Variants in CNTNAP2 observed in about 807,000 individuals in gnomAD.
The protein encoded by CNTNAP2 is contactin associated protein 2.
Under a neutral mutation model 155.2 loss-of-function variants are expected in CNTNAP2, and 98 were observed. That is an observed-to-expected ratio of 0.63 (90% CI 0.54 to 0.75). The LOEUF (loss-of-function observed/expected upper bound fraction) is 0.75. Ranked by LOEUF, CNTNAP2 falls within the 30% of genes least tolerant of loss-of-function variation. The pLI is 0.00. For missense variants in CNTNAP2, 1,727 were observed against 1,688.1 expected (o/e 1.02, Z -0.40); for synonymous variants, 651 against 631.2 (o/e 1.03, Z -0.47).
At chr7:146,380,285 T>A (rs1345071274) in intron 1 of CNTNAP2, among the ~76,000 whole-genome samples, 3 of 152,158 alleles carry the variant, frequency 2.0e-5, no homozygotes, top group Non-Finnish European at 4.4e-5. Context: ...AGCAGTGCTT[T>A]TTTATTTGAG....
Position 147,067,721 on chromosome 7 carries a change from A to G in CNTNAP2, c.550+23667A>G, listed in dbSNP as rs771651454. On this transcript the variant is annotated intron_variant, in intron 4 of 23. Coordinates refer to ENST00000361727, the MANE Select transcript of CNTNAP2 (RefSeq NM_014141.6). ...ACTTCTTTATCCTTAAAGATGAAAC[A>G]AAGAAATTCTTCATTGATAGAAAGA... 2.4e-4 allele frequency among the ~76,000 whole-genome samples: 36 copies of G among 152,210 alleles called. 1 individual carries two copies. Among genetic ancestry groups the G allele is most frequent in the Admixed American group, 8.5e-4 (13 of 15,284 alleles).
At chr7:146,139,718 T>C (rs1236578143) in intron 1 of CNTNAP2, among the ~76,000 whole-genome samples, 4 of 152,194 alleles carry the variant, frequency 2.6e-5, no homozygotes, top group Non-Finnish European at 5.9e-5. Context: ...TATGTCTTTG[T>C]ATAAGACAGA....
intron 1 of CNTNAP2, among the ~76,000 whole-genome samples, chr7:146,598,994 C>T (rs1202753926): frequency 6.6e-6 from 1 of 151,990 alleles, no homozygotes; most frequent in Non-Finnish European, 1.5e-5. Flanking sequence ...CTGACAATTC[C>T]AACCTTTTAG....
intron 13 of CNTNAP2, among the ~76,000 whole-genome samples, chr7:147,679,178 T>C (rs901819538): frequency 6.6e-6 from 1 of 151,922 alleles, no homozygotes; most frequent in African/African-American, 2.4e-5. Flanking sequence ...TGACATCTTA[T>C]AGTGCAATCC....
intron 1 of CNTNAP2, among the ~76,000 whole-genome samples, chr7:146,570,793 A>AT (rs998830551): frequency 6.6e-5 from 10 of 152,110 alleles, no homozygotes; most frequent in African/African-American, 2.4e-4. Flanking sequence ...ATCAGCAATG[A>AT]TTAGTATTTA....
At chr7:148,202,154 A>G (rs1035021053) in intron 18 of CNTNAP2, among the ~76,000 whole-genome samples, 1 of 152,088 alleles carries the variant, frequency 6.6e-6, no homozygotes, top group African/African-American at 2.4e-5. Context: ...CCCTCCCTTC[A>G]ATGGCCTCTC....
chr7:148,367,189 C>A (rs1187334393), intron 21 of CNTNAP2, among the ~76,000 whole-genome samples: 1 of 151,844 alleles, frequency 6.6e-6, no homozygotes, highest in East Asian at 1.9e-4. Context: ...CAAGATGAAG[C>A]CACTGCACTC....
intron 1 of CNTNAP2, among the ~76,000 whole-genome samples, chr7:146,674,609 G>A (rs957328074): frequency 2.0e-5 from 3 of 152,094 alleles, no homozygotes; most frequent in Non-Finnish European, 2.9e-5. Flanking sequence ...ATATTTATTT[G>A]ATGTGTAGGG....
intron 1 of CNTNAP2, among the ~76,000 whole-genome samples, chr7:146,445,691 C>T (rs931611114): frequency 6.6e-6 from 1 of 152,088 alleles, no homozygotes; most frequent in Admixed American, 6.6e-5. Flanking sequence ...ATTTTAGTAG[C>T]ATTTTCAAAA....
rs549341176 is a variant in CNTNAP2 at position 148,232,086 on chromosome 7, CTA to C, written c.3381+2308_3381+2309del. Among the ~76,000 whole-genome samples, 235 of 152,288 alleles carry C rather than the reference CTA, an allele frequency of 1.5e-3. 2 individuals are homozygous for C. The highest frequency in any genetic ancestry group is 5.1e-3 in the African/African-American group (213 of 41,558). On this transcript the variant is annotated intron_variant, in intron 20 of 23. Coordinates refer to ENST00000361727, the MANE Select transcript of CNTNAP2 (RefSeq NM_014141.6). The stretch of plus-strand genomic sequence containing the variant: ...AATGTCCCAACCCACGTGAGGGCAA[CTA>C]GGAAAGATGTCACGGCCTGGGGAGC...
intron 5 of CNTNAP2, among the ~76,000 whole-genome samples, chr7:147,113,469 C>A (rs929626472): frequency 1.4e-4 from 22 of 151,730 alleles, no homozygotes; most frequent in Admixed American, 1.4e-3. Flanking sequence ...GTTTACTTGA[C>A]TTACAGTTTC....
intron 13 of CNTNAP2, among the ~76,000 whole-genome samples, chr7:147,805,501 C>G (rs1798076512): frequency 6.6e-6 from 1 of 152,164 alleles, no homozygotes; most frequent in South Asian, 2.1e-4. Context: ...TTGTCTTGTT[C>G]CAGATCTTAG....
At chr7:146,550,739 G>A (rs899783865) in intron 1 of CNTNAP2, among the ~76,000 whole-genome samples, 3 of 151,892 alleles carry the variant, frequency 2.0e-5, no homozygotes, top group Middle Eastern at 3.4e-3. Context: ...TTTTCTGTTT[G>A]CAATGATCAG....
chr7:146,270,006 A>G (rs146936546), intron 1 of CNTNAP2, among the ~76,000 whole-genome samples: 6 of 152,256 alleles, frequency 3.9e-5, no homozygotes, highest in East Asian at 1.9e-4. Context: ...AGGACTTCAT[A>G]CCTGATTCCT....
chr7:148,255,986 A>T (rs1796447414), intron 20 of CNTNAP2, among the ~76,000 whole-genome samples: 1 of 152,184 alleles, frequency 6.6e-6, no homozygotes, highest in Non-Finnish European at 1.5e-5. Flanking sequence ...AAAGATGGTG[A>T]TAAACTACAT....
chr7:146,978,972 T>C (rs1302037168), intron 3 of CNTNAP2, among the ~76,000 whole-genome samples: 1 of 152,168 alleles, frequency 6.6e-6, no homozygotes, highest in Non-Finnish European at 1.5e-5. Flanking sequence ...GGTTAATTTA[T>C]GGTTTAGCTA....
chr7:146,260,890 G>T (rs1799909467), intron 1 of CNTNAP2, among the ~76,000 whole-genome samples: 1 of 152,190 alleles, frequency 6.6e-6, no homozygotes, highest in African/African-American at 2.4e-5. Flanking sequence ...GAAGGTGGCA[G>T]AGGTGGAATA....
chr7:147,954,565 G>C (rs1054041774), intron 14 of CNTNAP2, among the ~76,000 whole-genome samples: 3 of 151,998 alleles, frequency 2.0e-5, no homozygotes, highest in Non-Finnish European at 4.4e-5. Flanking sequence ...TATGCATCTT[G>C]TTCTTCTATA....
At chr7:147,176,095 A>T (rs1160303948) in intron 8 of CNTNAP2, among the ~76,000 whole-genome samples, 1 of 152,160 alleles carries the variant, frequency 6.6e-6, no homozygotes, top group Non-Finnish European at 1.5e-5. Context: ...ACTCATAAGG[A>T]TGGCTAGACC....
Sources: gnomAD v4.1 joint callset for allele counts (sites outside exome capture counted in the v4.1 genomes callset) on GRCh38, gnomAD v4.1.1 for gene constraint, MANE v1.5 for transcripts, NCBI Gene and HGNC (gene_info 2026-07-23, HGNC 2026-07-21) for gene names.